KLC3: variants seen among roughly 807,000 people sequenced by gnomAD.
The protein encoded by KLC3 is kinesin light chain 2.
Under a neutral mutation model 62.9 loss-of-function variants are expected in KLC3, and 72 were observed. The ratio of observed to expected loss-of-function variants is 1.15; its 90% CI spans 0.95 to 1.39. The LOEUF (loss-of-function observed/expected upper bound fraction) is 1.39. Among genes scored for constraint, KLC3 ranks in the 40% most tolerant of loss-of-function variants. KLC3 has a pLI of 0.00. For synonymous variants in KLC3, 377 were observed against 300.5 expected (o/e 1.25, Z -2.63); for missense variants, 848 against 691.6 (o/e 1.23, Z -2.54).
chr19:45,347,061 G>A, intron 3 of KLC3: 1 of 459,434 alleles, frequency 2.2e-6, no homozygotes, highest in Non-Finnish European at 3.9e-6. Context: ...CCTTGAGATA[G>A]GCTGGGTGCG....
chr19:45,349,388 A>C, intron 7 of KLC3, 41 bp from the exon 8 acceptor site: 5 of 1,561,332 alleles, frequency 3.2e-6, no homozygotes, highest in Non-Finnish European at 4.4e-6. Context: ...TGTCCCACCA[A>C]TCCTGTATGA....
rs1384992641 is a variant in KLC3 at position 45,348,168 on chromosome 19, C to T, written c.779+8C>T. 1 of 1,565,630 alleles carries T rather than the reference C, an allele frequency of 6.4e-7. No individual in the cohort carries two copies. Among genetic ancestry groups the T allele is most frequent in the Non-Finnish European group, 8.7e-7 (1 of 1,151,532 alleles). ...CCTGGCGCTGGTGTACCGGTGAGCACTGCGGCCAGCCATGGCTGGGGGCAG... is the reference window on the plus strand; with the variant it reads ...CCTGGCGCTGGTGTACCGGTGAGCATTGCGGCCAGCCATGGCTGGGGGCAG... On this transcript the variant is annotated splice_region_variant and intron_variant, in intron 5 of 12. Coordinates refer to ENST00000391946, the MANE Select transcript of KLC3 (RefSeq NM_177417.3).
Position 45,350,689 on chromosome 19 carries a change from C to G in KLC3, c.1321C>G (p.Arg441Gly). The G allele has an allele frequency of 6.2e-7, 1 of 1,613,682 alleles. No individual in the cohort carries two copies. The highest frequency in any genetic ancestry group is 1.1e-5 in the South Asian group (1 of 91,016). The part of the protein sequence containing the change: ...SLSKIRESIR[R>G]GSEKLVSRLR... ...CTCCAAGATCCGTGAGTCTATCAGG[C>G]GAGGAAGTGAGAAGCTGGTCTCCCG... Residue 441 changes from arginine (R) to glycine (G), a missense_variant, in exon 11 of 13, where the codon CGA (arginine) becomes GGA (glycine). Coordinates refer to ENST00000391946, the MANE Select transcript of KLC3 (RefSeq NM_177417.3).
chr19:45,350,643 C>A lies in KLC3; in HGVS notation c.1275C>A (p.Ala425=). ...CAGCATCCCCGGCCCCTCCCCAGGC[C>A]CTTCGCCGCAGCAGCTCACTCTCCA... ...NTGTAGDAEQ[A]LRRSSSLSKI... Residue 425 remains alanine (A), a splice_region_variant and synonymous_variant, in exon 11 of 13, where the codon GCC becomes GCA. Coordinates refer to ENST00000391946, the MANE Select transcript of KLC3 (RefSeq NM_177417.3). 1 of 1,613,448 alleles carries A rather than the reference C, an allele frequency of 6.2e-7. No individual in the cohort carries two copies. Among genetic ancestry groups the A allele is most frequent in the Non-Finnish European group, 8.5e-7 (1 of 1,179,586 alleles).
At chr19:45,342,363 G>A (rs1346493317) in intron 1 of KLC3, among the ~76,000 whole-genome samples, 1 of 152,056 alleles carries the variant, frequency 6.6e-6, no homozygotes, top group East Asian at 1.9e-4. Context: ...AGGCGGCGGG[G>A]ATTGCTTGAA....
intron 3 of KLC3, 99 bp from the exon 4 acceptor site, chr19:45,347,340 CAAAAAAAA>C (rs538695727): frequency 1.4e-5 from 8 of 558,370 alleles, no homozygotes; most frequent in East Asian, 1.4e-4. Flanking sequence ...AACTCCGTCT[CAAAAAAAA>C]AAAAAAAACA....
intron 1 of KLC3, chr19:45,345,130 G>A (rs3888783): frequency 0.014 from 4,447 of 322,228 alleles, 262 homozygotes; most frequent in Admixed American, 0.11. Context: ...CTGGTCCCAG[G>A]TCACACGGCC....
chr19:45,348,982 T>C (rs541494764), intron 7 of KLC3, 61 bp downstream of exon 7: 26 of 1,417,734 alleles, frequency 1.8e-5, no homozygotes, highest in South Asian at 1.5e-4. Context: ...TCCCCAGGGA[T>C]GCTGAGCACG....
intron 3 of KLC3, 81 bp downstream of exon 3, chr19:45,346,855 C>T: frequency 7.7e-7 from 1 of 1,305,062 alleles, no homozygotes; most frequent in Non-Finnish European, 1.1e-6. Context: ...TAGAATCCCA[C>T]AGTCCCCAAG....
chr19:45,351,510 G>A lies in KLC3; in HGVS notation c.*153G>A, dbSNP rs560366651. 23 of 1,483,468 alleles carry A rather than the reference G, an allele frequency of 1.6e-5. No homozygotes were observed. Among genetic ancestry groups the A allele is most frequent in the Non-Finnish European group, 1.8e-5 (20 of 1,082,482 alleles). 91.9% of individuals were successfully genotyped at this position (1,483,468 alleles called of 1,614,324 possible). A position where few individuals can be genotyped will look rare whatever the true frequency, so the allele number is the denominator to read the frequency against. ...TCTCCTGCGATTAAAGGCTGTGGAC[G>A]TGACAGTGAGAAATGTCACCTGACT... On this transcript the variant is annotated 3_prime_UTR_variant, in exon 13 of 13. Transcript: ENST00000391946.
At position 45,348,159 on chromosome 19, in the gene KLC3, C is replaced by A; in HGVS notation, c.778C>A (p.Arg260=). 6.3e-7 allele frequency: 1 copy of A among 1,578,486 alleles called. No individual in the cohort carries two copies. Among genetic ancestry groups the A allele is most frequent in the East Asian group, 2.3e-5 (1 of 43,382 alleles). The change falls in exon 5 of 13, where the codon CGG becomes AGG. Residue 260 remains arginine (R), a splice_region_variant and synonymous_variant. Coordinates refer to ENST00000391946, the MANE Select transcript of KLC3 (RefSeq NM_177417.3). The part of the protein sequence containing the change: ...TMLNILALVY[R]DQNKYKEATD... Reference sequence around the variant, plus strand: ...GCTCAACATCCTGGCGCTGGTGTACCGGTGAGCACTGCGGCCAGCCATGGC... The same window carrying A: ...GCTCAACATCCTGGCGCTGGTGTACAGGTGAGCACTGCGGCCAGCCATGGC...
rs371984008 is a variant in KLC3, at chr19:45,342,215, A to G, written c.-9+1369A>G. On this transcript the variant is annotated intron_variant, in intron 1 of 12. Transcript: ENST00000391946. The stretch of plus-strand genomic sequence containing the variant: ...TTGTGGTTGTCAGGATGACTCTTGA[A>G]CCTGTGTGGTTGTGAGTTCAACCAT... 1.7e-4 allele frequency among the ~76,000 whole-genome samples: 26 copies of G among 151,842 alleles called. No individual in the cohort carries two copies. In the East Asian group the frequency reaches 5.0e-3, roughly 29 times the overall value.
Position 45,348,852 on chromosome 19 carries a change from C to T in KLC3, c.900C>T (p.Leu300=), listed in dbSNP as rs1971580634. The T allele has an allele frequency of 6.3e-7, 1 of 1,579,052 alleles. No individual in the cohort carries two copies. The highest frequency in any genetic ancestry group is 8.6e-7 in the Non-Finnish European group (1 of 1,162,594). The part of the protein sequence containing the change: ...VAATLNNLAV[L]YGKRGRYREA... ...CCACGCTCAACAACTTGGCTGTCCT[C>T]TATGGGAAGCGTGGGCGTTACCGGG... The change falls in exon 7 of 13, where the codon CTC becomes CTT. Residue 300 remains leucine, a synonymous_variant. Coordinates refer to ENST00000391946, the MANE Select transcript of KLC3 (RefSeq NM_177417.3).
At chr19:45,343,170 G>C (rs966114384) in intron 1 of KLC3, among the ~76,000 whole-genome samples, 1 of 152,110 alleles carries the variant, frequency 6.6e-6, no homozygotes, top group African/African-American at 2.4e-5. Flanking sequence ...CTGGAGGTGC[G>C]TTGGGCACAT....
intron 1 of KLC3, among the ~76,000 whole-genome samples, chr19:45,342,775 AAAATT>A (rs1369107496): frequency 6.6e-6 from 1 of 152,194 alleles, no homozygotes; most frequent in African/African-American, 2.4e-5. Context: ...TCAAAAAAAT[AAAATT>A]AAATTTTTTA....
chr19:45,348,661 CA>C lies in KLC3; in HGVS notation c.798del (p.Glu267LysfsTer94). ...ALVYRDQNKY[K>X]EATDLLHDAL... ...CCCCCCACAGGGACCAGAACAAGTA[CA>C]AAGAAGCCACAGACCTTCTCCATGA... On this transcript the variant is annotated frameshift_variant, in exon 6 of 13. Coordinates refer to ENST00000391946, the MANE Select transcript of KLC3 (RefSeq NM_177417.3). LOFTEE classifies it high-confidence loss of function. 6.3e-7 allele frequency: 1 copy of C among 1,586,552 alleles called. No homozygotes were observed. The highest frequency in any genetic ancestry group is 2.3e-5 in the East Asian group (1 of 43,170).
At position 45,348,068 on chromosome 19, in the gene KLC3, G is replaced by C. The variant is rs1332608738; in HGVS notation, c.687G>C (p.Leu229=). Residue 229 remains leucine, a synonymous_variant, in exon 5 of 13, where the codon CTG becomes CTC. Coordinates refer to ENST00000391946, the MANE Select transcript of KLC3 (RefSeq NM_177417.3). The stretch of plus-strand genomic sequence containing the variant: ...GCCGCTATGAGGTGGCGGTGCCTCT[G>C]TGCCGCCAGGCCTTGGAGGACCTGG... ...GQGRYEVAVP[L]CRQALEDLER... is the part of the protein sequence containing the mutation. 1.6e-5 allele frequency: 25 copies of C among 1,602,492 alleles called. No individual in the cohort carries two copies. The highest frequency in any genetic ancestry group is 2.0e-5 in the Non-Finnish European group (23 of 1,174,830).
chr19:45,347,580 G>C, intron 4 of KLC3, 64 bp downstream of exon 4: 4 of 1,442,100 alleles, frequency 2.8e-6, no homozygotes, highest in Non-Finnish European at 3.8e-6. Context: ...GCTCTGAGCT[G>C]CAGGACCCCA....
At chr19:45,341,338 C>T (rs1251659277) in intron 1 of KLC3, among the ~76,000 whole-genome samples, 1 of 152,102 alleles carries the variant, frequency 6.6e-6, no homozygotes, top group Non-Finnish European at 1.5e-5. Context: ...AAAACGTGGG[C>T]GACCTCTGAC....
Sources: allele counts gnomAD v4.1 joint callset (sites outside exome capture counted in the v4.1 genomes callset), GRCh38; gene constraint gnomAD v4.1.1; transcripts MANE v1.5; gene names NCBI Gene and HGNC (gene_info 2026-07-23, HGNC 2026-07-21).